RUNX1T1: variants seen among roughly 807,000 people sequenced by gnomAD.
The protein encoded by RUNX1T1 is RUNX1 partner transcriptional co-repressor 1.
RUNX1T1 carries 4 observed loss-of-function variants against 62.8 expected under a neutral mutation model. The observed-to-expected ratio is 0.06, with a 90% CI of 0.03 to 0.15. The LOEUF is 0.15. Among genes scored for constraint, RUNX1T1 ranks in the 10% least tolerant of loss-of-function variants. RUNX1T1 has a pLI of 1.00. For missense variants in RUNX1T1, 508 were observed against 754.3 expected, an observed-to-expected ratio of 0.67 and a Z score of 3.82; for synonymous variants, 291 against 286.0, an observed-to-expected ratio of 1.02 and a Z score of -0.18.
exon 11 of RUNX1T1, chr8:91,960,512 G>A (rs762159754): frequency 6.2e-7 from 1 of 1,613,932 alleles, no homozygotes; most frequent in Non-Finnish European, 8.5e-7. Context: ...CACAATTCCA[G>A]CAACTCTAAA....
intron 6 of RUNX1T1, among the ~76,000 whole-genome samples, chr8:91,988,184 A>G (rs1230244020): frequency 6.6e-6 from 1 of 152,134 alleles, no homozygotes; most frequent in Non-Finnish European, 1.5e-5. Context: ...ATGACTGTTC[A>G]GCCAACCACA....
chr8:91,993,436 T>C (rs981332993), intron 5 of RUNX1T1, among the ~76,000 whole-genome samples: 1 of 152,122 alleles, frequency 6.6e-6, no homozygotes, highest in African/African-American at 2.4e-5. Flanking sequence ...TTAAAGAACA[T>C]GCCCACTACA....
chr8:92,004,020 A>G (rs1820258345), intron 5 of RUNX1T1, among the ~76,000 whole-genome samples: 1 of 152,226 alleles, frequency 6.6e-6, no homozygotes, highest in South Asian at 2.1e-4. Flanking sequence ...ACAGAGGATT[A>G]TGTAATAACA....
rs530853102 is a variant in RUNX1T1 at position 92,050,087 on chromosome 8, A to G, written c.7+12459T>C. 3.0e-4 allele frequency among the ~76,000 whole-genome samples: 46 copies of G among 151,664 alleles called. 1 individual carries two copies. The East Asian group carries it at 4.1e-3, about 13-fold the overall frequency. On this transcript the variant is annotated intron_variant, in intron 1 of 10. Transcript: ENST00000396218. ...CTTCAATGTTAAACATGTCTTGAGG[A>G]AAAAAAAAGAAAATATATTTAAAGT... is the stretch of plus-strand genomic sequence containing the variant.
chr8:92,021,042 C>T (rs1018271242), intron 1 of RUNX1T1, among the ~76,000 whole-genome samples: 1 of 152,118 alleles, frequency 6.6e-6, no homozygotes, highest in Non-Finnish European at 1.5e-5. Flanking sequence ...GTAGGTGGTA[C>T]ATCTTTTTCT....
intron 1 of RUNX1T1, among the ~76,000 whole-genome samples, chr8:92,092,161 C>G (rs1468466915): frequency 1.3e-5 from 2 of 152,216 alleles, no homozygotes; most frequent in Non-Finnish European, 2.9e-5. Context: ...GTTTAATTCT[C>G]TCTGCCCATG....
chr8:92,074,477 C>A (rs546250385), intron 2 of RUNX1T1, among the ~76,000 whole-genome samples: 23 of 152,300 alleles, frequency 1.5e-4, no homozygotes, highest in African/African-American at 5.1e-4. Flanking sequence ...TTAATACAAA[C>A]TCCACGCAGA....
chr8:91,958,368 G>A (rs1176915297), downstream of RUNX1T1: 1 of 195,962 alleles, frequency 5.1e-6, no homozygotes, highest in Non-Finnish European at 1.1e-5. Context: ...CATTTGGAAA[G>A]TAGTACTGGT....
At chr8:92,041,179 A>G (rs1349611385) in intron 1 of RUNX1T1, among the ~76,000 whole-genome samples, 1 of 152,244 alleles carries the variant, frequency 6.6e-6, no homozygotes, top group Non-Finnish European at 1.5e-5. Flanking sequence ...TTTAAAAAGA[A>G]TAAATAATTT....
At chr8:92,020,673 C>T (rs988097551) in intron 1 of RUNX1T1, among the ~76,000 whole-genome samples, 7 of 152,158 alleles carry the variant, frequency 4.6e-5, no homozygotes, top group South Asian at 4.1e-4. Context: ...CTCTGTGTAA[C>T]GTTTCTCTCA....
At chr8:92,006,988 C>T (rs567667491) in intron 4 of RUNX1T1, among the ~76,000 whole-genome samples, 2 of 152,162 alleles carry the variant, frequency 1.3e-5, no homozygotes, top group African/African-American at 4.8e-5. Context: ...TGACTTCCTA[C>T]AGGATAACAA....
intron 1 of RUNX1T1, among the ~76,000 whole-genome samples, chr8:92,039,815 C>T (rs1227077925): frequency 4.6e-5 from 7 of 152,096 alleles, no homozygotes; most frequent in Non-Finnish European, 7.3e-5. Context: ...TCATTGGAGC[C>T]CCTCAGTTCT....
At chr8:92,092,622 T>C (rs1837207135) in intron 1 of RUNX1T1, among the ~76,000 whole-genome samples, 1 of 152,202 alleles carries the variant, frequency 6.6e-6, no homozygotes, top group African/African-American at 2.4e-5. Flanking sequence ...TATTAGAGAA[T>C]GTAAGGAATA....
chr8:92,095,711 C>T (rs889398133), intron 1 of RUNX1T1: 9 of 693,136 alleles, frequency 1.3e-5, no homozygotes, highest in Admixed American at 7.7e-5. Flanking sequence ...GGGGCTCAGA[C>T]CCCAGGATGG....
chr8:91,977,044 T>C (rs1385710151), intron 8 of RUNX1T1: 1 of 191,570 alleles, frequency 5.2e-6, no homozygotes, highest in African/African-American at 2.3e-5. Context: ...CTATATTTTA[T>C]GGTGCTACAC....
intron 1 of RUNX1T1, among the ~76,000 whole-genome samples, chr8:92,038,702 C>T (rs1280067424): frequency 6.6e-6 from 1 of 152,172 alleles, no homozygotes; most frequent in African/African-American, 2.4e-5. Flanking sequence ...CTCTGCTACT[C>T]TCCTCTGCAG....
At chr8:91,955,763 C>T (rs1417522980), downstream of RUNX1T1, 1 of 225,514 alleles carries the variant, frequency 4.4e-6, no homozygotes, top group East Asian at 6.4e-5. Flanking sequence ...GGAATTTCTG[C>T]TACAACACAG....
intron 1 of RUNX1T1, 126 bp from the exon 3 acceptor site, chr8:92,017,489 T>C: frequency 1.3e-6 from 2 of 1,551,186 alleles, no homozygotes; most frequent in South Asian, 2.4e-5. Context: ...TAAAATACAC[T>C]TATCTACTGA....
At chr8:92,095,182 C>A in intron 1 of RUNX1T1, 1 of 1,535,166 alleles carries the variant, frequency 6.5e-7, no homozygotes, top group Non-Finnish European at 8.7e-7. Context: ...CTAAGAGGAG[C>A]GACAGATAAC....
Sources: allele counts gnomAD v4.1 joint callset (sites outside exome capture counted in the v4.1 genomes callset), GRCh38; gene constraint gnomAD v4.1.1; transcripts MANE v1.5; gene names NCBI Gene and HGNC (gene_info 2026-07-23, HGNC 2026-07-21).